Variants in RARB observed in about 807,000 individuals in gnomAD.
The protein encoded by RARB is retinoic acid receptor beta.
Under a neutral mutation model 51.9 loss-of-function variants are expected in RARB, and 17 were observed. The observed-to-expected ratio is 0.33, with a 90% CI of 0.22 to 0.49. RARB has a LOEUF of 0.49. Among genes scored for constraint, RARB ranks in the 20% least tolerant of loss-of-function variants. The probability of loss-of-function intolerance (pLI) is 0.99; values close to 1 mark genes in which losing one functional copy is unlikely to be tolerated. For missense variants in RARB, 369 were observed against 550.8 expected, an observed-to-expected ratio of 0.67 and a Z score of 3.30; for synonymous variants, 215 against 195.4, an observed-to-expected ratio of 1.10 and a Z score of -0.84.
At chr3:25,376,602 A>G (rs928196302) in intron 5 of RARB, among the ~76,000 whole-genome samples, 4 of 152,220 alleles carry the variant, frequency 2.6e-5, no homozygotes, top group Non-Finnish European at 4.4e-5. Context: ...ACCTACCTAC[A>G]CAACTCCCTA....
chr3:25,293,174 C>T (rs761979976), intron 5 of RARB, among the ~76,000 whole-genome samples: 75 of 152,180 alleles, frequency 4.9e-4, no homozygotes, highest in Non-Finnish European at 9.0e-4. Flanking sequence ...TATTCTGATA[C>T]GTTACGGAGA....
intron 5 of RARB, among the ~76,000 whole-genome samples, chr3:25,374,171 G>A (rs1706387641): frequency 6.6e-6 from 1 of 152,062 alleles, no homozygotes; most frequent in African/African-American, 2.4e-5. Flanking sequence ...CAGGGACTGG[G>A]GTCAGTCAGC....
rs193219041 is a variant in RARB, at chr3:25,355,000, A to G, written c.179-106193A>G. The stretch of plus-strand genomic sequence containing the variant: ...GTTTGAATCCCAGCTCTTCCACTTC[A>G]TAAGCTGTGCAACTTTGGGCAAGTT... On this transcript the variant is annotated intron_variant, in intron 5 of 11. Coordinates refer to the RARB transcript ENST00000383772. Among the ~76,000 whole-genome samples, 66 of 152,064 alleles carry G rather than the reference A, an allele frequency of 4.3e-4. 1 individual carries two copies. Among genetic ancestry groups the G allele is most frequent in the Admixed American group, 4.1e-3 (62 of 15,242 alleles).
At chr3:25,043,537 G>A (rs1163000295) in intron 2 of RARB, among the ~76,000 whole-genome samples, 1 of 152,202 alleles carries the variant, frequency 6.6e-6, no homozygotes, top group African/African-American at 2.4e-5. Context: ...TTGGACTGAT[G>A]TATTAATAGA....
intron 3 of RARB, among the ~76,000 whole-genome samples, chr3:25,111,292 T>A (rs933622443): frequency 2.0e-5 from 3 of 152,178 alleles, no homozygotes; most frequent in African/African-American, 7.2e-5. Context: ...TAATATTTAA[T>A]TTCAAAAATT....
At chr3:25,504,770 C>CTTTTTT (rs61498243) in intron 3 of RARB, among the ~76,000 whole-genome samples, 1 of 126,052 alleles carries the variant, frequency 7.9e-6, no homozygotes, top group Non-Finnish European at 1.6e-5. Flanking sequence ...ACATTAACCA[C>CTTTTTT]TTTTTTTTTT....
At chr3:24,963,085 G>A (rs1459806068) in intron 2 of RARB, among the ~76,000 whole-genome samples, 3 of 152,092 alleles carry the variant, frequency 2.0e-5, no homozygotes, top group Non-Finnish European at 4.4e-5. Flanking sequence ...ATACTTTGAG[G>A]ACTTCTCTTC....
intron 2 of RARB, among the ~76,000 whole-genome samples, chr3:24,913,305 G>T (rs900207323): frequency 2.6e-5 from 4 of 151,790 alleles, no homozygotes; most frequent in African/African-American, 9.7e-5. Flanking sequence ...TTTCTTAACA[G>T]AGGGTTTTCC....
intron 2 of RARB, among the ~76,000 whole-genome samples, chr3:25,496,856 T>C (rs1419524335): frequency 6.6e-6 from 1 of 152,138 alleles, no homozygotes; most frequent in Non-Finnish European, 1.5e-5. Flanking sequence ...CCAGAGTTGG[T>C]AGCAGAAAAC....
chr3:25,326,132 AC>A (rs1276303185), intron 5 of RARB, among the ~76,000 whole-genome samples: 1 of 152,174 alleles, frequency 6.6e-6, no homozygotes, highest in East Asian at 1.9e-4. Flanking sequence ...TGTCCCCTCT[AC>A]CCCAGAAGTG....
At chr3:25,512,317 T>C (rs774002403) in intron 3 of RARB, among the ~76,000 whole-genome samples, 2 of 152,160 alleles carry the variant, frequency 1.3e-5, no homozygotes, top group Non-Finnish European at 2.9e-5. Flanking sequence ...AAGAAGTACA[T>C]GTCCTTGGGA....
intron 1 of RARB, among the ~76,000 whole-genome samples, chr3:24,850,539 T>C (rs1257653381): frequency 6.6e-6 from 1 of 152,132 alleles, no homozygotes; most frequent in African/African-American, 2.4e-5. Context: ...TCAAGAGATT[T>C]TGTTGTTTAA....
At chr3:25,058,220 G>T (rs917388126) in intron 2 of RARB, among the ~76,000 whole-genome samples, 1 of 151,842 alleles carries the variant, frequency 6.6e-6, no homozygotes, top group South Asian at 2.1e-4. Context: ...GGTAAAGAAG[G>T]TTAACTTTCC....
At chr3:25,118,324 TGTG>T (rs1575168594) in intron 3 of RARB, among the ~76,000 whole-genome samples, 1 of 152,168 alleles carries the variant, frequency 6.6e-6, no homozygotes, top group African/African-American at 2.4e-5. Flanking sequence ...TTCAACCTGA[TGTG>T]GTCCAGATTT....
At chr3:25,107,966 C>G (rs1403912851) in intron 3 of RARB, among the ~76,000 whole-genome samples, 2 of 152,170 alleles carry the variant, frequency 1.3e-5, no homozygotes, top group Admixed American at 6.5e-5. Context: ...GTCAGCATCC[C>G]TACTTTTGCA....
chr3:24,932,747 A>G (rs1695467325), intron 2 of RARB, among the ~76,000 whole-genome samples: 1 of 152,138 alleles, frequency 6.6e-6, no homozygotes, highest in African/African-American at 2.4e-5. Context: ...CCAGGAAAAC[A>G]GTATTTATTA....
intron 1 of RARB, among the ~76,000 whole-genome samples, chr3:25,446,574 C>T (rs1317905509): frequency 6.6e-6 from 1 of 152,030 alleles, no homozygotes; most frequent in African/African-American, 2.4e-5. Context: ...GAGGCCGAGG[C>T]GGGCAGATCA....
chr3:25,215,738 G>A (rs186587997), intron 5 of RARB, among the ~76,000 whole-genome samples: 32 of 152,196 alleles, frequency 2.1e-4, no homozygotes, highest in African/African-American at 7.5e-4. Flanking sequence ...AAGGAAACTC[G>A]GAATGAAGGG....
At chr3:25,488,270 A>G (rs1174303227) in intron 2 of RARB, among the ~76,000 whole-genome samples, 2 of 152,218 alleles carry the variant, frequency 1.3e-5, no homozygotes, top group South Asian at 2.1e-4. Flanking sequence ...AAAAATATCA[A>G]TCTTGAATAT....
Sources: allele counts gnomAD v4.1 joint callset (sites outside exome capture counted in the v4.1 genomes callset), GRCh38; gene constraint gnomAD v4.1.1; transcripts MANE v1.5; gene names NCBI Gene and HGNC (gene_info 2026-07-23, HGNC 2026-07-21).